Variants in DPYD observed in about 807,000 individuals in gnomAD.
DPYD encodes dihydropyrimidine dehydrogenase.
A neutral mutation model predicts 116.2 loss-of-function variants in DPYD; 109 were observed. The observed-to-expected ratio is 0.94, with a 90% CI of 0.80 to 1.10. DPYD has a LOEUF of 1.10. DPYD is among the 50% of genes least tolerant of loss of function. DPYD has a pLI of 0.00. For synonymous variants in DPYD, 440 were observed against 432.0 expected (o/e 1.02, Z -0.23); for missense variants, 1,302 against 1,254.5 (o/e 1.04, Z -0.57).
rs114412138 is a variant in DPYD, at chr1:97,153,381, G to A, written c.2622+39688C>T. Among the ~76,000 whole-genome samples, 1,365 of 152,118 alleles carry A rather than the reference G, an allele frequency of 9.0e-3. 19 individuals carry two copies. The highest frequency in any genetic ancestry group is 0.031 in the African/African-American group (1,297 of 41,532). On this transcript the variant is annotated intron_variant, in intron 20 of 22. Coordinates refer to ENST00000370192, the MANE Select transcript of DPYD (RefSeq NM_000110.4). The stretch of plus-strand genomic sequence containing the variant: ...CTCTATAGCCCCAGGAGAACATGGC[G>A]AGGACAGTATTAAAAACGTGTCTAT...
chr1:97,096,449 A>G (rs1412554381), intron 21 of DPYD, among the ~76,000 whole-genome samples: 5 of 152,160 alleles, frequency 3.3e-5, no homozygotes, highest in Admixed American at 3.3e-4. Context: ...ATTCAAATTG[A>G]TTAAGAAGAG....
chr1:97,154,524 A>T (rs1655287482), intron 20 of DPYD, among the ~76,000 whole-genome samples: 1 of 150,252 alleles, frequency 6.7e-6, no homozygotes, highest in Admixed American at 6.8e-5. Context: ...TGGGAGGTTG[A>T]GGTGGGTACA....
intron 20 of DPYD, among the ~76,000 whole-genome samples, chr1:97,146,473 A>T (rs1043484347): frequency 6.6e-6 from 1 of 152,218 alleles, no homozygotes; most frequent in African/African-American, 2.4e-5. Flanking sequence ...AAGGCCATAC[A>T]ATACATCCTG....
rs538897489 is a variant in DPYD, at chr1:97,237,644, C to T, written c.2300-2650G>A. On this transcript the variant is annotated intron_variant, in intron 18 of 22. Coordinates refer to ENST00000370192, the MANE Select transcript of DPYD (RefSeq NM_000110.4). ...ATACAAAAACACACATATATATACACATATCTTCAGTTATACTAAAAGAAA... is the reference window on the plus strand; with the variant it reads ...ATACAAAAACACACATATATATACATATATCTTCAGTTATACTAAAAGAAA... Among the ~76,000 whole-genome samples, 194 of 152,194 alleles carry T rather than the reference C, an allele frequency of 1.3e-3. 1 individual carries two copies. The highest frequency in any genetic ancestry group is 1.8e-3 in the Non-Finnish European group (125 of 68,008).
intron 8 of DPYD, among the ~76,000 whole-genome samples, chr1:97,678,217 T>C (rs961130295): frequency 1.3e-5 from 2 of 152,102 alleles, no homozygotes; most frequent in African/African-American, 4.8e-5. Flanking sequence ...CAATAGAGTT[T>C]GCACTCCTAT....
intron 20 of DPYD, among the ~76,000 whole-genome samples, chr1:97,182,595 G>C (rs1329281798): frequency 3.3e-5 from 5 of 152,012 alleles, no homozygotes; most frequent in African/African-American, 1.2e-4. Context: ...TAACTGTCTG[G>C]CAGTCCCAGG....
intron 8 of DPYD, among the ~76,000 whole-genome samples, chr1:97,611,046 C>CTATATGATAATAG (rs1290065283): frequency 6.6e-6 from 1 of 151,622 alleles, no homozygotes; most frequent in South Asian, 2.1e-4. Context: ...TAGATGTATT[C>CTATATGATAATAG]ATCCATTTTC....
chr1:97,166,248 G>A (rs1233493712), intron 20 of DPYD, among the ~76,000 whole-genome samples: 2 of 152,166 alleles, frequency 1.3e-5, no homozygotes, highest in African/African-American at 2.4e-5. Context: ...GGAATACTAT[G>A]TAGCCATAAC....
At chr1:97,516,861 A>T (rs1286994709) in intron 12 of DPYD, among the ~76,000 whole-genome samples, 2 of 152,024 alleles carry the variant, frequency 1.3e-5, no homozygotes, top group Non-Finnish European at 2.9e-5. Flanking sequence ...TCTCCAAAAG[A>T]CAAATAACAT....
chr1:97,485,776 A>G (rs1285212151), intron 13 of DPYD, among the ~76,000 whole-genome samples: 2 of 152,154 alleles, frequency 1.3e-5, no homozygotes, highest in Admixed American at 1.3e-4. Flanking sequence ...GGCTGCCCCC[A>G]GATAGTTTCA....
At chr1:97,277,581 G>A (rs551541750) in intron 18 of DPYD, among the ~76,000 whole-genome samples, 1 of 151,984 alleles carries the variant, frequency 6.6e-6, no homozygotes, top group Admixed American at 6.6e-5. Context: ...CTTTCCTCTT[G>A]TATCACACAT....
chr1:97,720,959 T>C, intron 5 of DPYD: 1 of 1,601,510 alleles, frequency 6.2e-7, no homozygotes. Flanking sequence ...AGTGCTCTCA[T>C]TTTATTTCCT....
intron 3 of DPYD, among the ~76,000 whole-genome samples, chr1:97,804,198 T>C (rs1400843864): frequency 1.3e-5 from 2 of 151,748 alleles, no homozygotes. Context: ...GCCTATGTAG[T>C]GGGATATAAT....
chr1:97,754,704 C>T (rs1015368377), intron 3 of DPYD, among the ~76,000 whole-genome samples: 3 of 152,132 alleles, frequency 2.0e-5, no homozygotes, highest in Non-Finnish European at 4.4e-5. Context: ...TAGGTTCAGC[C>T]CTCAAGAATC....
At chr1:97,736,491 C>T (rs903995212) in intron 4 of DPYD, among the ~76,000 whole-genome samples, 3 of 151,300 alleles carry the variant, frequency 2.0e-5, no homozygotes, top group South Asian at 2.1e-4. Context: ...AAAAAATTGA[C>T]AAAAATATGA....
chr1:97,104,569 G>C (rs961669192), intron 20 of DPYD, among the ~76,000 whole-genome samples: 1 of 152,068 alleles, frequency 6.6e-6, no homozygotes, highest in African/African-American at 2.4e-5. Flanking sequence ...AGGGGTCAGA[G>C]ATTTTCTAGA....
rs2101549035 is a variant in DPYD, at chr1:97,379,339, T to A, written c.1974+3054A>T. On this transcript the variant is annotated intron_variant, in intron 15 of 22. Coordinates refer to ENST00000370192, the MANE Select transcript of DPYD (RefSeq NM_000110.4). ...TGAAATTAGGAAAGATGGAAAGAAT[T>A]TGGATTGGTTGAGAGCAAGAAGATT... Among the ~76,000 whole-genome samples the A allele has an allele frequency of 2.0e-5, 3 of 152,172 alleles. 1 individual carries two copies. Among genetic ancestry groups the A allele is most frequent in the Middle Eastern group, 6.8e-3 (2 of 294 alleles).
intron 3 of DPYD, among the ~76,000 whole-genome samples, chr1:97,759,030 A>G (rs1278239702): frequency 6.6e-6 from 1 of 152,174 alleles, no homozygotes; most frequent in Non-Finnish European, 1.5e-5. Context: ...GCAAGCAGCT[A>G]TTCAAGACAC....
At chr1:97,458,154 AT>A (rs1676800356) in intron 13 of DPYD, among the ~76,000 whole-genome samples, 1 of 152,192 alleles carries the variant, frequency 6.6e-6, no homozygotes, top group Non-Finnish European at 1.5e-5. Context: ...TTTAACAATT[AT>A]TAATTATCTT....
Sources: allele counts gnomAD v4.1 joint callset (sites outside exome capture counted in the v4.1 genomes callset), GRCh38; gene constraint gnomAD v4.1.1; transcripts MANE v1.5; gene names NCBI Gene and HGNC (gene_info 2026-07-23, HGNC 2026-07-21).